The following MOK variants were observed in gnomAD, a reference collection of about 807,000 sequenced individuals.
The protein encoded by MOK is MOK protein kinase.
Under a neutral mutation model 54.2 loss-of-function variants are expected in MOK, and 59 were observed. The ratio of observed to expected loss-of-function variants is 1.09; its 90% CI spans 0.88 to 1.35. The LOEUF (loss-of-function observed/expected upper bound fraction) is 1.35, where lower values mean the gene tolerates loss of function less well. MOK is among the 40% of genes most tolerant of loss of function. The pLI is 0.00. For missense variants in MOK, 517 were observed against 526.2 expected, an observed-to-expected ratio of 0.98 and a Z score of 0.17; for synonymous variants, 210 against 202.7, an observed-to-expected ratio of 1.04 and a Z score of -0.31.
At chr14:102,285,002 G>C (rs1386086004) in intron 1 of MOK, among the ~76,000 whole-genome samples, 2 of 148,450 alleles carry the variant, frequency 1.3e-5, no homozygotes, top group East Asian at 3.9e-4. Context: ...AGAATCCCTC[G>C]AACCCAGGAG....
rs975954054 is a variant in MOK, at chr14:102,229,130, G to A, written c.*159C>T. ...ATCCTAGGCAGCTGCGCGGGCCGCG[G>A]GTGCGGCAGGGCGCAGGGCAGCACC... On this transcript the variant is annotated 3_prime_UTR_variant, in exon 12 of 12. Coordinates refer to ENST00000361847, the MANE Select transcript of MOK (RefSeq NM_014226.3). 4.3e-6 allele frequency: 3 copies of A among 701,990 alleles called. No individual in the cohort carries two copies. Among genetic ancestry groups the A allele is most frequent in the East Asian group, 2.8e-5 (1 of 35,896 alleles). 43.5% of individuals were successfully genotyped at this position (701,990 alleles called of 1,614,324 possible).
chr14:102,280,994 C>T (rs751569010), intron 2 of MOK, among the ~76,000 whole-genome samples: 2 of 152,096 alleles, frequency 1.3e-5, no homozygotes, highest in Non-Finnish European at 2.9e-5. Flanking sequence ...GAGTTCGAGA[C>T]CAGCCGCAAT....
intron 4 of MOK, among the ~76,000 whole-genome samples, chr14:102,261,986 G>GC (rs2153130199): frequency 6.9e-6 from 1 of 144,352 alleles, no homozygotes; most frequent in South Asian, 2.2e-4. Flanking sequence ...GACTACAGGC[G>GC]CCCGCCACCA....
chr14:102,232,461 TG>T lies in MOK; in HGVS notation c.866+73del. 1 of 1,516,992 alleles carries T rather than the reference TG, an allele frequency of 6.6e-7. No individual in the cohort carries two copies. The highest frequency in any genetic ancestry group is 9.0e-7 in the Non-Finnish European group (1 of 1,116,646). 94.0% of individuals were successfully genotyped at this position (1,516,992 alleles called of 1,614,324 possible). Reference sequence around the variant, plus strand: ...AGGGACCCTCCAGGGGGCAGTACCTTGCCCCACCATGTGCCCATGGGTCTCA... The same window carrying T: ...AGGGACCCTCCAGGGGGCAGTACCTTCCCCACCATGTGCCCATGGGTCTCA... On this transcript the variant is annotated intron_variant, in intron 9 of 11. Transcript: ENST00000361847. This position sits in a 1 kb window ranked among gnomAD's most constrained non-coding sequence, Gnocchi z 5.1.
chr14:102,254,407 T>C (rs2066767215), intron 4 of MOK, among the ~76,000 whole-genome samples: 1 of 152,228 alleles, frequency 6.6e-6, no homozygotes, highest in African/African-American at 2.4e-5. Flanking sequence ...TTTCCCAAGC[T>C]GATAATTCTG....
chr14:102,250,846 A>C lies in MOK; in HGVS notation c.556T>G (p.Trp186Gly). The C allele has an allele frequency of 1.2e-6, 2 of 1,614,062 alleles. No individual in the cohort carries two copies. The highest frequency in any genetic ancestry group is 1.7e-6 in the Non-Finnish European group (2 of 1,180,010). Residue 186 changes from tryptophan to glycine, a missense_variant, in exon 7 of 12, where the codon TGG (tryptophan) becomes GGG (glycine). Coordinates refer to ENST00000361847, the MANE Select transcript of MOK (RefSeq NM_014226.3). ...DGFYTYKMDLWSAGCVFYEIA... is the reference protein window; with the variant it reads ...DGFYTYKMDLGSAGCVFYEIA... Reference sequence around the variant, plus strand: ...TCGTAGAACACACAGCCGGCGCTCCACAGGTCCATCTTGTACGTGTAGAAC... The same window carrying C: ...TCGTAGAACACACAGCCGGCGCTCCCCAGGTCCATCTTGTACGTGTAGAAC...
intron 7 of MOK, among the ~76,000 whole-genome samples, chr14:102,234,670 C>T (rs547953833): frequency 1.8e-4 from 28 of 152,304 alleles, no homozygotes; most frequent in Admixed American, 1.5e-3. Context: ...GCCTCCTACA[C>T]AATCTGTATA....
intron 1 of MOK, among the ~76,000 whole-genome samples, chr14:102,296,245 C>CA (rs35588317): frequency 0.19 from 11,811 of 61,134 alleles, 831 homozygotes; most frequent in African/African-American, 0.27. Flanking sequence ...GAGTACGTCT[C>CA]AAAAAAAAAA....
chr14:102,273,649 C>T (rs1049911858), intron 2 of MOK, among the ~76,000 whole-genome samples: 4 of 151,870 alleles, frequency 2.6e-5, no homozygotes, highest in Non-Finnish European at 4.4e-5. Flanking sequence ...CATGGTGACA[C>T]GTGCCTGTAA....
At chr14:102,281,192 C>T (rs549665304) in intron 2 of MOK, among the ~76,000 whole-genome samples, 17 of 152,102 alleles carry the variant, frequency 1.1e-4, no homozygotes, top group African/African-American at 4.1e-4. Context: ...AGTGCTGTGA[C>T]GCACGCCTGT....
At chr14:102,265,771 G>C (rs1311337089) in intron 3 of MOK, 52 bp downstream of exon 3, 1 of 1,436,636 alleles carries the variant, frequency 7.0e-7, no homozygotes, top group East Asian at 2.3e-5. Flanking sequence ...TTCTTAAAAA[G>C]AGATTATTTT....
chr14:102,228,509 C>G (rs904806719), downstream of MOK, among the ~76,000 whole-genome samples: 1 of 152,082 alleles, frequency 6.6e-6, no homozygotes, highest in Non-Finnish European at 1.5e-5. Context: ...ACCAGCCTGA[C>G]CAACATGGAG....
At chr14:102,225,167 C>T (rs1141545), downstream of MOK, 1 of 206,720 alleles carries the variant, frequency 4.8e-6, no homozygotes, top group South Asian at 7.4e-5. Context: ...TTCAAGTGAT[C>T]CTCCCATCTC....
intron 1 of MOK, 58 bp from the exon 2 acceptor site, chr14:102,283,650 C>A: frequency 9.5e-7 from 1 of 1,051,010 alleles, no homozygotes; most frequent in Non-Finnish European, 1.4e-6. Flanking sequence ...CTTGTATTCA[C>A]TTCCAGACAG....
At chr14:102,282,559 G>GC (rs1345102788) in intron 2 of MOK, among the ~76,000 whole-genome samples, 2 of 150,216 alleles carry the variant, frequency 1.3e-5, no homozygotes, top group Admixed American at 1.3e-4. Context: ...ACGTGGTGAA[G>GC]CCCCGTCTCT....
Position 102,229,493 on chromosome 14 carries a change from C to T in MOK, c.1146G>A (p.Val382=). 6.2e-7 allele frequency: 1 copy of T among 1,614,194 alleles called. No homozygotes were observed. Among genetic ancestry groups the T allele is most frequent in the South Asian group, 1.1e-5 (1 of 91,088 alleles). Residue 382 remains valine, a synonymous_variant, in exon 11 of 12, where the codon GTG becomes GTA. Transcript: ENST00000361847. The part of the protein sequence containing the change: ...LGSGTNGRVP[V]LRPLKCIPAS... Reference sequence around the variant, plus strand: ...CAGGGATGCACTTCAAGGGTCTCAGCACCGGCACTCTTCCATTTGTTCCAG... The same window carrying T: ...CAGGGATGCACTTCAAGGGTCTCAGTACCGGCACTCTTCCATTTGTTCCAG...
intron 4 of MOK, among the ~76,000 whole-genome samples, chr14:102,255,810 G>A (rs935878844): frequency 3.3e-5 from 5 of 152,144 alleles, no homozygotes; most frequent in African/African-American, 7.2e-5. Context: ...ATTCCAGCAG[G>A]CCCCAAAAGC....
intron 7 of MOK, among the ~76,000 whole-genome samples, chr14:102,241,700 C>T (rs1280321943): frequency 6.6e-6 from 1 of 152,190 alleles, no homozygotes; most frequent in Non-Finnish European, 1.5e-5. Context: ...TCAAACCCCA[C>T]AACAGGACTT....
At chr14:102,280,549 T>A (rs1765746295) in intron 2 of MOK, 1 of 152,166 alleles carries the variant, frequency 6.6e-6, no homozygotes, top group African/African-American at 2.4e-5. Context: ...GCTTTTGAAG[T>A]TAAAGGCAAA....
Sources: gnomAD v4.1 joint callset for allele counts (sites outside exome capture counted in the v4.1 genomes callset) on GRCh38, gnomAD v4.1.1 for gene constraint, Gnocchi (gnomAD v3.1) non-coding constraint, MANE v1.5 for transcripts, NCBI Gene and HGNC (gene_info 2026-07-23, HGNC 2026-07-21) for gene names.